Variants in ASXL2 observed in about 807,000 individuals in gnomAD.
The protein encoded by ASXL2 is putative Polycomb group protein ASXL2.
ASXL2 carries 23 observed loss-of-function variants against 122.0 expected under a neutral mutation model. The ratio of observed to expected loss-of-function variants is 0.19; its 90% CI spans 0.14 to 0.27. ASXL2 has a LOEUF of 0.27. ASXL2 is among the 10% of genes least tolerant of loss of function. ASXL2 has a pLI of 1.00. For synonymous variants in ASXL2, 650 were observed against 637.0 expected, an observed-to-expected ratio of 1.02 and a Z score of -0.31; for missense variants, 1,518 against 1,713.8, an observed-to-expected ratio of 0.89 and a Z score of 2.02.
At chr2:25,759,675 C>A in intron 8 of ASXL2, 30 bp from the exon 9 acceptor site, 1 of 1,591,800 alleles carries the variant, frequency 6.3e-7, no homozygotes, top group South Asian at 1.1e-5. Context: ...TCGTTTGGGC[C>A]TCCCTCACAA....
At chr2:25,760,653 G>A (rs1235860459) in intron 8 of ASXL2, among the ~76,000 whole-genome samples, 5 of 152,268 alleles carry the variant, frequency 3.3e-5, no homozygotes, top group Non-Finnish European at 7.4e-5. Flanking sequence ...TCTGCCTCCT[G>A]GCGGAAGCAT....
chr2:25,750,202 C>T lies in ASXL2; in HGVS notation c.1354G>A (p.Glu452Lys). 7.4e-6 allele frequency: 12 copies of T among 1,613,986 alleles called. No homozygotes were observed. The highest frequency in any genetic ancestry group is 1.0e-5 in the Non-Finnish European group (12 of 1,179,886). The change falls in exon 12 of 13, where the codon GAA becomes AAA. Residue 452 changes from glutamate (E) to lysine (K), a missense_variant. Glu to Lys is a moderately conservative substitution (Grantham distance 56). This residue lies in a region of ASXL2 where 292 missense variants were observed against 293.5 expected (regional missense o/e 1.00). Coordinates refer to ENST00000435504, the MANE Select transcript of ASXL2 (RefSeq NM_018263.6). ...GATGTGGAGAAGTTCGGCTGCACTT[C>T]ACCTTGGCTTTCACACTCTTCTTTT... Reference protein sequence around the residue: ...GRKEECESQGEVQPNFSTSSE... With the variant: ...GRKEECESQGKVQPNFSTSSE...
At chr2:25,745,803 C>A (rs1202826736) in intron 12 of ASXL2, among the ~76,000 whole-genome samples, 1 of 151,342 alleles carries the variant, frequency 6.6e-6, no homozygotes, top group Non-Finnish European at 1.5e-5. Flanking sequence ...GCCACCACAC[C>A]CAGCTAATTT....
At chr2:25,810,498 G>C in intron 3 of ASXL2, 2 of 743,904 alleles carry the variant, frequency 2.7e-6, no homozygotes, top group South Asian at 2.8e-5. Context: ...GGATCCTATG[G>C]TTCAAGGAGG....
intron 4 of ASXL2, among the ~76,000 whole-genome samples, chr2:25,801,055 C>T (rs1390020470): frequency 6.6e-6 from 1 of 152,138 alleles, no homozygotes; most frequent in African/African-American, 2.4e-5. Context: ...GCCTCTGGAG[C>T]AGCTGGGACT....
rs559485927 is a variant in ASXL2, at chr2:25,768,218, T to C, written c.632-492A>G. Among the ~76,000 whole-genome samples, 6 of 152,364 alleles carry C rather than the reference T, an allele frequency of 3.9e-5. No homozygotes were observed. In the East Asian group the frequency reaches 9.6e-4, roughly 24 times the overall value. On this transcript the variant is annotated intron_variant, in intron 7 of 12. Transcript: ENST00000435504. ...CTCTTGGAAACATCAGATTTTAAGG[T>C]TGCTGATTAGAGGTTTCCAAATATT...
Position 25,743,966 on chromosome 2 carries a change from T to C in ASXL2, c.2371A>G (p.Ser791Gly). The C allele has an allele frequency of 1.2e-6, 2 of 1,614,014 alleles. No individual in the cohort carries two copies. The highest frequency in any genetic ancestry group is 1.7e-6 in the Non-Finnish European group (2 of 1,179,892). The stretch of plus-strand genomic sequence containing the variant: ...TCTATGTGGGCTGGTGATGGGACAC[T>C]TGTGCATGCTCCACTGACGGCAGGT... ...PTPAVSGACT[S>G]VPSPAHIEKL... is the part of the protein sequence containing the mutation. Residue 791 changes from serine (S) to glycine (G), a missense_variant, in exon 13 of 13, where the codon AGT becomes GGT. Physicochemically the swap from Ser to Gly is moderately conservative, Grantham distance 56. Around this residue, in one of 8 missense-constraint regions of ASXL2, gnomAD observed 831 missense variants for 833.1 expected, o/e 1.00. Coordinates refer to ENST00000435504, the MANE Select transcript of ASXL2 (RefSeq NM_018263.6).
At chr2:25,853,305 G>C (rs2089739824) in intron 1 of ASXL2, among the ~76,000 whole-genome samples, 1 of 152,170 alleles carries the variant, frequency 6.6e-6, no homozygotes, top group Non-Finnish European at 1.5e-5. Flanking sequence ...TATTTAGACA[G>C]AAATGTGATC....
At position 25,878,440 on chromosome 2, in the gene ASXL2, C is replaced by T; in HGVS notation, c.-218G>A. ...TTGCTGCCGTTGCCACTGCTACCGC[C>T]GCTGCCATATTGGGTTCTTACTGTA... On this transcript the variant is annotated 5_prime_UTR_variant, in exon 1 of 13. Coordinates refer to ENST00000435504, the MANE Select transcript of ASXL2 (RefSeq NM_018263.6). The T allele has an allele frequency of 1.7e-6, 1 of 593,590 alleles. No homozygotes were observed. The highest frequency in any genetic ancestry group is 3.0e-6 in the Non-Finnish European group (1 of 334,156). The allele number at this position is 593,590 out of a possible 1,614,324, so 36.8% of individuals were successfully genotyped here. A position where few individuals can be genotyped will look rare whatever the true frequency, so the allele number is the denominator to read the frequency against.
intron 1 of ASXL2, among the ~76,000 whole-genome samples, chr2:25,866,066 C>G (rs2089900290): frequency 6.6e-6 from 1 of 151,878 alleles, no homozygotes; most frequent in Admixed American, 6.6e-5. Flanking sequence ...ACCAAAATCA[C>G]ACAGGAAGTT....
chr2:25,839,471 T>A (rs1447009338), intron 2 of ASXL2, among the ~76,000 whole-genome samples: 2 of 152,156 alleles, frequency 1.3e-5, no homozygotes, highest in Admixed American at 6.5e-5. Flanking sequence ...AACTCCACAA[T>A]GCCTTTGCTA....
intron 2 of ASXL2, among the ~76,000 whole-genome samples, chr2:25,844,140 T>C (rs887484952): frequency 2.0e-5 from 3 of 152,204 alleles, no homozygotes; most frequent in Non-Finnish European, 4.4e-5. Flanking sequence ...ATGCCACCTA[T>C]AGTTGAAAAC....
At chr2:25,794,969 T>C (rs1484046133) in intron 5 of ASXL2, among the ~76,000 whole-genome samples, 1 of 152,202 alleles carries the variant, frequency 6.6e-6, no homozygotes, top group Non-Finnish European at 1.5e-5. Context: ...ATATAATATA[T>C]ACCTACAAAT....
intron 1 of ASXL2, among the ~76,000 whole-genome samples, chr2:25,852,945 G>A (rs954606861): frequency 2.0e-5 from 3 of 152,158 alleles, no homozygotes; most frequent in African/African-American, 7.2e-5. Context: ...GGAGTCTAAA[G>A]GTAGTAATAG....
intron 3 of ASXL2, among the ~76,000 whole-genome samples, chr2:25,816,779 G>T (rs1390942382): frequency 1.3e-5 from 2 of 152,190 alleles, no homozygotes; most frequent in Non-Finnish European, 2.9e-5. Flanking sequence ...TTAAGAGTAT[G>T]AATGAAAAAT....
At chr2:25,753,721 C>T (rs570290949) in intron 10 of ASXL2, 82 bp from the exon 11 acceptor site, 71 of 1,087,968 alleles carry the variant, frequency 6.5e-5, no homozygotes, top group African/African-American at 6.0e-4. Context: ...GAAAGACTCA[C>T]GCAGGAATTG....
intron 3 of ASXL2, chr2:25,810,775 T>C: frequency 1.9e-6 from 1 of 539,100 alleles, no homozygotes; most frequent in South Asian, 1.6e-5. Context: ...GGAATTTTGT[T>C]GAGATTTAAG....
At chr2:25,783,758 TA>T (rs113535861) in intron 5 of ASXL2, among the ~76,000 whole-genome samples, 16 of 148,108 alleles carry the variant, frequency 1.1e-4, no homozygotes, top group Admixed American at 3.4e-4. Flanking sequence ...CTTGTCTATG[TA>T]AAAAAAAAAT....
At chr2:25,814,234 C>T (rs1226235830) in intron 3 of ASXL2, among the ~76,000 whole-genome samples, 1 of 151,962 alleles carries the variant, frequency 6.6e-6, no homozygotes, top group East Asian at 1.9e-4. Context: ...TCAAAGAATC[C>T]GGGCAGTTTA....
Sources: allele counts gnomAD v4.1 joint callset (sites outside exome capture counted in the v4.1 genomes callset), GRCh38; gene constraint gnomAD v4.1.1; regional missense constraint gnomAD v4.1.1; transcripts MANE v1.5; gene names NCBI Gene and HGNC (gene_info 2026-07-23, HGNC 2026-07-21).